MYO1D: variants seen among roughly 807,000 people sequenced by gnomAD.
MYO1D encodes the protein unconventional myosin-Id.
Under a neutral mutation model 122.0 loss-of-function variants are expected in MYO1D, and 83 were observed. The ratio of observed to expected loss-of-function variants is 0.68; its 90% CI spans 0.57 to 0.82. The LOEUF is 0.82. Ranked by LOEUF, MYO1D falls within the 40% of genes least tolerant of loss-of-function variation. The pLI is 0.00. For missense variants in MYO1D, 1,157 were observed against 1,269.5 expected (o/e 0.91, Z 1.35); for synonymous variants, 464 against 446.9 (o/e 1.04, Z -0.48).
intron 11 of MYO1D, among the ~76,000 whole-genome samples, chr17:32,752,189 A>G (rs915016336): frequency 6.6e-6 from 1 of 152,218 alleles, no homozygotes; most frequent in African/African-American, 2.4e-5. Context: ...AGCATACGCT[A>G]TTCACTAAGT....
intron 1 of MYO1D, among the ~76,000 whole-genome samples, chr17:32,803,667 T>C (rs2090480086): frequency 1.3e-5 from 2 of 152,256 alleles, no homozygotes; most frequent in South Asian, 4.1e-4. Flanking sequence ...AAATAGGCAA[T>C]ACACACTTTG....
chr17:32,620,799 G>C (rs953771444), intron 20 of MYO1D, among the ~76,000 whole-genome samples: 1 of 152,104 alleles, frequency 6.6e-6, no homozygotes, highest in African/African-American at 2.4e-5. Flanking sequence ...TCTGATGTAG[G>C]GGGAGGAGCC....
At chr17:32,695,705 A>T (rs1327239705) in intron 16 of MYO1D, among the ~76,000 whole-genome samples, 1 of 152,234 alleles carries the variant, frequency 6.6e-6, no homozygotes, top group African/African-American at 2.4e-5. Flanking sequence ...GGCCAAAATT[A>T]AAAAATCTGC....
chr17:32,609,988 A>G (rs1159552036), intron 20 of MYO1D, among the ~76,000 whole-genome samples: 1 of 152,194 alleles, frequency 6.6e-6, no homozygotes, highest in African/African-American at 2.4e-5. Context: ...TCATTATTTT[A>G]TATGTGAAAT....
At chr17:32,495,089 T>G (rs996724714) in intron 21 of MYO1D, among the ~76,000 whole-genome samples, 174 bp from the exon 22 acceptor site, 3 of 152,216 alleles carry the variant, frequency 2.0e-5, no homozygotes, top group Non-Finnish European at 4.4e-5. Context: ...TGGCACTAGC[T>G]GGGCCTCCAA....
At chr17:32,787,422 C>CTT (rs755065126) in intron 1 of MYO1D, among the ~76,000 whole-genome samples, 5 of 142,382 alleles carry the variant, frequency 3.5e-5, no homozygotes, top group Admixed American at 7.0e-5. Context: ...GGTATGTACT[C>CTT]TTTTTTTTTT....
intron 20 of MYO1D, among the ~76,000 whole-genome samples, chr17:32,614,467 C>G (rs947596672): frequency 6.6e-6 from 1 of 152,126 alleles, no homozygotes; most frequent in Non-Finnish European, 1.5e-5. Flanking sequence ...TTTGGCTGCT[C>G]TTTGATGGAG....
At chr17:32,654,900 AC>A (rs2088454021) in intron 17 of MYO1D, among the ~76,000 whole-genome samples, 1 of 151,884 alleles carries the variant, frequency 6.6e-6, no homozygotes, top group South Asian at 2.1e-4. Flanking sequence ...CTGGTCCTGA[AC>A]TCCTGACCTC....
intron 21 of MYO1D, among the ~76,000 whole-genome samples, chr17:32,522,460 G>A (rs1307011397): frequency 6.6e-6 from 1 of 152,224 alleles, no homozygotes; most frequent in Non-Finnish European, 1.5e-5. Flanking sequence ...CTTACAATGA[G>A]TTAAAGCATT....
At chr17:32,735,990 C>T (rs1272284800) in intron 14 of MYO1D, among the ~76,000 whole-genome samples, 1 of 150,764 alleles carries the variant, frequency 6.6e-6, no homozygotes, top group African/African-American at 2.4e-5. Flanking sequence ...TCTGCTTAGT[C>T]TATTTACATT....
chr17:32,601,671 T>C (rs1196777484), intron 21 of MYO1D, among the ~76,000 whole-genome samples: 3 of 152,236 alleles, frequency 2.0e-5, no homozygotes, highest in Admixed American at 6.5e-5. Context: ...CTAGATGGCA[T>C]CTTCTTCCAG....
At position 32,641,051 on chromosome 17, in the gene MYO1D, A is replaced by C. The variant is rs8080783; in HGVS notation, c.2596-2216T>G. On this transcript the variant is annotated intron_variant, in intron 19 of 21. Transcript: ENST00000318217. ...GCTGCACCCATTAACTCGTCATTTA[A>C]ATTAGGTATATCTCCTAATGCTATC... is the stretch of plus-strand genomic sequence containing the variant. Among the ~76,000 whole-genome samples, 235 of 150,478 alleles carry C rather than the reference A, an allele frequency of 1.6e-3. 2 individuals are homozygous for C. The highest frequency in any genetic ancestry group is 5.5e-3 in the African/African-American group (226 of 40,862).
rs1239962082 is a variant in MYO1D, at chr17:32,877,017, C to G, written c.-145G>C. ...CGCACGCCGCTCGGCGGGTCCGGGC[C>G]GGACAGAGGCCGCCTCGCTGCTCCT... On this transcript the variant is annotated 5_prime_UTR_variant, in exon 1 of 22. Coordinates refer to ENST00000318217, the MANE Select transcript of MYO1D (RefSeq NM_015194.3). The G allele has an allele frequency of 5.6e-5, 17 of 304,588 alleles. 1 individual carries two copies. Among genetic ancestry groups the G allele is most frequent in the African/African-American group, 3.3e-4 (15 of 45,096 alleles). The allele number at this position is 304,588 out of a possible 1,614,324, so 18.9% of individuals were successfully genotyped here.
chr17:32,729,574 C>T (rs918130052), intron 14 of MYO1D, among the ~76,000 whole-genome samples: 4 of 151,982 alleles, frequency 2.6e-5, no homozygotes, highest in Non-Finnish European at 5.9e-5. Context: ...AAGTGCATCT[C>T]GGAGCTAATA....
At chr17:32,725,189 A>G (rs2089557408) in intron 14 of MYO1D, among the ~76,000 whole-genome samples, 1 of 152,160 alleles carries the variant, frequency 6.6e-6, no homozygotes, top group South Asian at 2.1e-4. Flanking sequence ...AAAGGAAATT[A>G]AGAACTCAGT....
intron 14 of MYO1D, among the ~76,000 whole-genome samples, chr17:32,737,622 G>A (rs1204595510): frequency 6.6e-6 from 1 of 152,090 alleles, no homozygotes; most frequent in Non-Finnish European, 1.5e-5. Flanking sequence ...TGGGACTGTG[G>A]GTGCATGCCA....
At chr17:32,513,782 A>C (rs1909782872) in intron 21 of MYO1D, among the ~76,000 whole-genome samples, 2 of 152,020 alleles carry the variant, frequency 1.3e-5, no homozygotes. Flanking sequence ...GTGTCTCAGC[A>C]ACCTGGCTGT....
intron 19 of MYO1D, among the ~76,000 whole-genome samples, chr17:32,640,642 A>T (rs1469750358): frequency 6.6e-6 from 1 of 151,008 alleles, no homozygotes; most frequent in African/African-American, 2.4e-5. Context: ...ATGTCCCTAC[A>T]AAGGACATGA....
At chr17:32,507,105 A>G (rs1909526969) in intron 21 of MYO1D, among the ~76,000 whole-genome samples, 1 of 152,262 alleles carries the variant, frequency 6.6e-6, no homozygotes, top group Non-Finnish European at 1.5e-5. Flanking sequence ...AATCATAGTA[A>G]AAGTAAAAAT....
Sources: allele counts gnomAD v4.1 joint callset (sites outside exome capture counted in the v4.1 genomes callset), GRCh38; gene constraint gnomAD v4.1.1; transcripts MANE v1.5; gene names NCBI Gene and HGNC (gene_info 2026-07-23, HGNC 2026-07-21).